MIA2: variants seen among roughly 807,000 people sequenced by gnomAD.
The protein encoded by MIA2 is MIA SH3 domain ER export factor 2.
Under a neutral mutation model 167.8 loss-of-function variants are expected in MIA2, and 127 were observed. That is an observed-to-expected ratio of 0.76 (90% CI 0.66 to 0.88). The LOEUF (loss-of-function observed/expected upper bound fraction) is 0.88, where lower values mean the gene tolerates loss of function less well. MIA2 is among the 40% of genes least tolerant of loss of function. The probability of loss-of-function intolerance (pLI) is 0.00; values close to 1 mark genes in which losing one functional copy is unlikely to be tolerated. For missense variants in MIA2, 1,690 were observed against 1,624.7 expected (o/e 1.04, Z -0.69); for synonymous variants, 552 against 541.9 (o/e 1.02, Z -0.26).
chr14:39,321,177 T>C (rs953065959), intron 24 of MIA2, 121 bp downstream of exon 24: 4 of 910,822 alleles, frequency 4.4e-6, no homozygotes, highest in Middle Eastern at 3.1e-4. Context: ...TTGCACTTAC[T>C]GTAGATAACT....
chr14:39,235,993 A>G (rs531309930), intron 1 of MIA2, among the ~76,000 whole-genome samples: 1 of 152,074 alleles, frequency 6.6e-6, no homozygotes, highest in Non-Finnish European at 1.5e-5. Flanking sequence ...GTGTATATTC[A>G]TGTGTTGAAC....
In MIA2 at chr14:39,327,106, ATGTT is replaced by A. The variant is rs2067725411; in HGVS notation, c.3655+89_3655+92del. 10 of 1,068,294 alleles carry A rather than the reference ATGTT, an allele frequency of 9.4e-6. No individual in the cohort carries two copies. In the Admixed American group the frequency reaches 2.5e-4, roughly 27 times the overall value. The allele number at this position is 1,068,294 out of a possible 1,614,324, so 66.2% of individuals were successfully genotyped here. A position where few individuals can be genotyped will look rare whatever the true frequency, so the allele number is the denominator to read the frequency against. On this transcript the variant is annotated intron_variant, in intron 25 of 28. Coordinates refer to ENST00000640607, the MANE Select transcript of MIA2 (RefSeq NM_001329214.4). ...CAGGAATGGAAGAAGGGAGGAGTAT[ATGTT>A]TGTTCTCTCTTAAGAAAAATCATCG...
chr14:39,373,789 C>T (rs1164080177), intron 23 of MIA2, among the ~76,000 whole-genome samples: 1 of 151,926 alleles, frequency 6.6e-6, no homozygotes, highest in African/African-American at 2.4e-5. Context: ...CCATTGCACT[C>T]CAGCCTGCAT....
rs759559409 is a variant in MIA2, at chr14:39,247,785, A to G, written c.1211A>G (p.Glu404Gly). Residue 404 changes from glutamate to glycine, a missense_variant, in exon 4 of 29, where the codon GAA (glutamate) becomes GGA (glycine). Physicochemically the swap from Glu to Gly is moderately conservative, Grantham distance 98. Transcript: ENST00000640607. The part of the protein sequence containing the change: ...KIMLDDRKNE[E>G]DGGADEHEHP... The stretch of plus-strand genomic sequence containing the variant: ...ATGTTAGATGACAGGAAAAATGAAG[A>G]AGATGGTGGGGCAGATGAACATGAA... 17 of 1,613,512 alleles carry G rather than the reference A, an allele frequency of 1.1e-5. No individual in the cohort carries two copies. The highest frequency in any genetic ancestry group is 5.0e-5 in the Admixed American group (3 of 59,912).
At chr14:39,236,406 G>C (rs1223015145) in intron 1 of MIA2, among the ~76,000 whole-genome samples, 6 of 152,076 alleles carry the variant, frequency 3.9e-5, no homozygotes, top group African/African-American at 1.4e-4. Flanking sequence ...GGGCAAATTG[G>C]GCTCCACTAG....
chr14:39,311,836 G>GTT (rs34526208), intron 18 of MIA2, among the ~76,000 whole-genome samples: 29,063 of 96,364 alleles, frequency 0.3, 3,217 homozygotes, highest in East Asian at 0.6. Context: ...GTGTGTGTGT[G>GTT]TTTTTTTTTT....
chr14:39,316,627 G>C (rs2065502191), intron 21 of MIA2, among the ~76,000 whole-genome samples: 1 of 152,176 alleles, frequency 6.6e-6, no homozygotes, highest in Non-Finnish European at 1.5e-5. Context: ...CCTAGGGTGA[G>C]AGATTAGGTG....
Position 39,240,618 on chromosome 14 carries a change from A to G in MIA2, c.307A>G (p.Ile103Val), listed in dbSNP as rs754466805. The G allele has an allele frequency of 3.1e-6, 5 of 1,612,880 alleles. No homozygotes were observed. In the South Asian group the frequency reaches 5.5e-5, roughly 18 times the overall value. The change falls in exon 3 of 29, where the codon ATA becomes GTA. Residue 103 changes from isoleucine to valine, a missense_variant. By Grantham distance (29) the Ile-to-Val change is conservative. Transcript: ENST00000640607. ...RDAVQIEEVF[I>V]SEEIQMSTKE... ...TGCAGTCCAGATTGAAGAGGTGTTCATATCTGAGGAAATTCAGATGTCAAC... is the reference window on the plus strand; with the variant it reads ...TGCAGTCCAGATTGAAGAGGTGTTCGTATCTGAGGAAATTCAGATGTCAAC...
intron 13 of MIA2, among the ~76,000 whole-genome samples, chr14:39,295,280 A>C (rs112015581): frequency 1.3e-5 from 2 of 152,110 alleles, no homozygotes; most frequent in African/African-American, 2.4e-5. Flanking sequence ...ATCATAACCA[A>C]CTTCTTAAAG....
intron 28 of MIA2, 41 bp downstream of exon 28, chr14:39,349,018 G>T (rs7156249): frequency 0.92 from 1,446,116 of 1,575,316 alleles, 664,048 homozygotes; most frequent in East Asian, 0.97. Context: ...TCAATATGTG[G>T]TTTATTAATC....
chr14:39,267,150 C>A, intron 6 of MIA2: 2 of 1,161,172 alleles, frequency 1.7e-6, no homozygotes, highest in East Asian at 4.9e-5. Flanking sequence ...CGCGGCTGCC[C>A]GGCCGAAACC....
chr14:39,358,172 C>T (rs536089353), intron 23 of MIA2, among the ~76,000 whole-genome samples: 16 of 152,270 alleles, frequency 1.1e-4, no homozygotes, highest in South Asian at 2.1e-4. Flanking sequence ...CCATTCTCCC[C>T]GTCACTTTCA....
chr14:39,354,730 T>G (rs530104696), downstream of MIA2, among the ~76,000 whole-genome samples: 2 of 152,318 alleles, frequency 1.3e-5, no homozygotes, highest in South Asian at 4.1e-4. Flanking sequence ...CTTGAATTAA[T>G]TTTTGTATAA....
At chr14:39,321,150 G>A in intron 24 of MIA2, 94 bp downstream of exon 24, 7 of 1,219,642 alleles carry the variant, frequency 5.7e-6, no homozygotes, top group Non-Finnish European at 6.8e-6. Flanking sequence ...AAAATATTTG[G>A]AAAATACAGG....
At chr14:39,344,170 T>C (rs1398102160) in intron 25 of MIA2, among the ~76,000 whole-genome samples, 1 of 152,210 alleles carries the variant, frequency 6.6e-6, no homozygotes, top group Admixed American at 6.5e-5. Context: ...CCATGTAGTT[T>C]ATAAAGTAGT....
intron 22 of MIA2, 25 bp from the exon 23 acceptor site, chr14:39,319,184 A>C: frequency 2.2e-6 from 3 of 1,358,130 alleles, no homozygotes; most frequent in Non-Finnish European, 3.0e-6. Context: ...TGAGTAACTT[A>C]GAGATGTTTG....
chr14:39,342,480 A>G (rs1192186381), intron 25 of MIA2, among the ~76,000 whole-genome samples: 1 of 152,126 alleles, frequency 6.6e-6, no homozygotes, highest in Admixed American at 6.6e-5. Context: ...ATATGTGTGC[A>G]TGTGTCTTTA....
chr14:39,299,452 C>T (rs1041156631), intron 13 of MIA2, among the ~76,000 whole-genome samples: 14 of 151,696 alleles, frequency 9.2e-5, no homozygotes, highest in East Asian at 7.8e-4. Context: ...GGACTACAGG[C>T]GCGTGCCACC....
At position 39,298,413 on chromosome 14, in the gene MIA2, T is replaced by TTATATA. The variant is rs71130838; in HGVS notation, c.2497-1426_2497-1421dup. On this transcript the variant is annotated intron_variant, in intron 13 of 28. Transcript: ENST00000640607. ...TTTACCTGTATCATCTGATTCTGTT[T>TTATATA]TATATATATATATATATATATATAT... Among the ~76,000 whole-genome samples the TTATATA allele has an allele frequency of 1.6e-3, 41 of 26,146 alleles. 2 individuals carry two copies. Among genetic ancestry groups the TTATATA allele is most frequent in the African/African-American group, 4.4e-3 (32 of 7,204 alleles). 17.2% of individuals were successfully genotyped at this position (26,146 alleles called of 152,430 possible).
Sources: allele counts gnomAD v4.1 joint callset (sites outside exome capture counted in the v4.1 genomes callset), GRCh38; gene constraint gnomAD v4.1.1; transcripts MANE v1.5; gene names NCBI Gene and HGNC (gene_info 2026-07-23, HGNC 2026-07-21).